REPS2: variants seen among roughly 807,000 people sequenced by gnomAD.
REPS2 encodes the protein RALBP1 associated Eps domain containing 2, also known as ralBP1-associated Eps domain-containing protein 2.
REPS2 carries 23 observed loss-of-function variants against 53.6 expected under a neutral mutation model. That is an observed-to-expected ratio of 0.43 (90% CI 0.31 to 0.61). REPS2 has a LOEUF of 0.61. Ranked by LOEUF, REPS2 falls within the 20% of genes least tolerant of loss-of-function variation. The probability of loss-of-function intolerance (pLI) is 0.11; values close to 1 mark genes in which losing one functional copy is unlikely to be tolerated. For missense variants in REPS2, 446 were observed against 534.9 expected (o/e 0.83, Z 1.64); for synonymous variants, 238 against 218.6 (o/e 1.09, Z -0.78).
intron 5 of REPS2, among the ~76,000 whole-genome samples, chrX:17,041,697 A>G (rs1275093537): frequency 8.9e-6 from 1 of 112,176 alleles, no homozygotes; most frequent in East Asian, 2.8e-4. Context: ...GACACTGTTA[A>G]AAGATCATTA....
intron 5 of REPS2, 124 bp from the exon 6 acceptor site, chrX:17,047,223 A>C: frequency 1.5e-6 from 1 of 677,189 alleles, no homozygotes; most frequent in Non-Finnish European, 2.2e-6. Flanking sequence ...TGAGGCAGTT[A>C]AATTTCTTCA....
chrX:17,185,960 A>T, the REPS2 span, among the ~76,000 whole-genome samples: 1 of 111,627 alleles, frequency 9.0e-6, no homozygotes, highest in Non-Finnish European at 1.9e-5. Flanking sequence ...GAAAAAAAAA[A>T]TCTTCTTAAA....
At chrX:17,099,695 T>C (rs1373912326) in intron 13 of REPS2, 9 of 461,041 alleles carry the variant, frequency 2.0e-5, no homozygotes, top group Middle Eastern at 6.2e-4. Flanking sequence ...GCTACCTCTA[T>C]GGTGTCAAGA....
chrX:17,080,325 G>A (rs181918842), intron 13 of REPS2, among the ~76,000 whole-genome samples: 13 of 55,205 alleles, frequency 2.4e-4, no homozygotes, highest in African/African-American at 4.5e-4. Context: ...TCTCCACCCC[G>A]ACCCCCGTGT....
chrX:17,032,204 A>C (rs2061716438), intron 5 of REPS2, among the ~76,000 whole-genome samples: 1 of 112,117 alleles, frequency 8.9e-6, no homozygotes, highest in South Asian at 3.7e-4. Flanking sequence ...CTTAGGCTGG[A>C]CATAGGTATT....
chrX:16,999,368 ATTTTTT>A (rs1162932789), intron 1 of REPS2, among the ~76,000 whole-genome samples: 1 of 62,745 alleles, frequency 1.6e-5, no homozygotes, highest in Non-Finnish European at 3.0e-5. Context: ...GATGTTCCTG[ATTTTTT>A]TTTTTTTTTT....
chrX:16,947,188 G>A lies in REPS2; in HGVS notation c.273+54G>A, dbSNP rs1016611559. 13 of 963,216 alleles carry A rather than the reference G, an allele frequency of 1.3e-5. No homozygotes were observed. The African/African-American group carries it at 1.4e-4, about 11-fold the overall frequency. The allele number at this position is 963,216 out of a possible 1,213,427, so 79.4% of individuals were successfully genotyped here. A position where few individuals can be genotyped will look rare whatever the true frequency, so the allele number is the denominator to read the frequency against. On this transcript the variant is annotated intron_variant, in intron 1 of 17. Coordinates refer to ENST00000357277, the MANE Select transcript of REPS2 (RefSeq NM_004726.3). ...GGTCTGTGGGGCAGTGTGTGCGGGG[G>A]CGGAGGTTGCGAGTGGGGCGACAGG...
intron 1 of REPS2, among the ~76,000 whole-genome samples, chrX:16,973,514 A>G (rs1319071070): frequency 8.9e-6 from 1 of 112,154 alleles, no homozygotes; most frequent in East Asian, 2.8e-4. Flanking sequence ...TGGTTAATAT[A>G]ACGCTAGCAG....
chrX:17,007,920 T>C (rs749046778), intron 2 of REPS2, among the ~76,000 whole-genome samples: 259 of 112,613 alleles, frequency 2.3e-3, no homozygotes, highest in Non-Finnish European at 4.1e-3. Flanking sequence ...TAGTAGAATT[T>C]GGAGCCAGGA....
Position 17,025,130 on chromosome X carries a change from G to T in REPS2, c.618G>T (p.Val206=). ...PPSSPPHYQR[V]PLSHGYSKLR... Reference sequence around the variant, plus strand: ...CTTCCCCGCCTCATTACCAGAGGGTGCCCTTGAGCCATGGCTACAGCAAAC... The same window carrying T: ...CTTCCCCGCCTCATTACCAGAGGGTTCCCTTGAGCCATGGCTACAGCAAAC... Residue 206 remains valine, a synonymous_variant, in exon 4 of 18, where the codon GTG becomes GTT. Transcript: ENST00000357277. 1 of 1,211,725 alleles carries T rather than the reference G, an allele frequency of 8.3e-7. No individual in the cohort carries two copies. Among genetic ancestry groups the T allele is most frequent in the Non-Finnish European group, 1.1e-6 (1 of 895,478 alleles).
At chrX:17,086,606 A>G (rs1423717995) in intron 13 of REPS2, among the ~76,000 whole-genome samples, 1 of 112,331 alleles carries the variant, frequency 8.9e-6, no homozygotes, top group African/African-American at 3.2e-5. Flanking sequence ...CCAGCAAACC[A>G]CTGCTTAGAT....
chrX:17,165,156 A>G, the REPS2 span, among the ~76,000 whole-genome samples: 2 of 112,094 alleles, frequency 1.8e-5, no homozygotes, highest in Admixed American at 9.5e-5. Flanking sequence ...GAAATTCTTC[A>G]GCTTCTGACC....
intron 1 of REPS2, among the ~76,000 whole-genome samples, chrX:16,963,508 T>C (rs753909537): frequency 1.5e-4 from 17 of 112,645 alleles, no homozygotes; most frequent in Non-Finnish European, 3.2e-4. Context: ...TTTCCCAACA[T>C]TCCATTGTTT....
intron 2 of REPS2, among the ~76,000 whole-genome samples, chrX:17,011,262 C>T (rs112559721): frequency 4.5e-5 from 5 of 111,570 alleles, no homozygotes; most frequent in African/African-American, 1.3e-4. Flanking sequence ...GCCCCACCCT[C>T]GTCTGAGTTG....
chrX:17,131,389 G>A (rs748119547), intron 14 of REPS2, among the ~76,000 whole-genome samples: 14 of 111,400 alleles, frequency 1.3e-4, no homozygotes, highest in Middle Eastern at 4.7e-3. Context: ...GTATGTTAGC[G>A]CCCTTGGGAA....
chrX:17,166,019 G>A, the REPS2 span, among the ~76,000 whole-genome samples: 5 of 111,756 alleles, frequency 4.5e-5, no homozygotes, highest in African/African-American at 6.5e-5. Context: ...ATTCCTTTAT[G>A]CCTTCATGAT....
intron 1 of REPS2, among the ~76,000 whole-genome samples, chrX:16,954,862 G>T (rs2060573635): frequency 1.1e-5 from 1 of 90,389 alleles, no homozygotes; most frequent in Non-Finnish European, 2.1e-5. Flanking sequence ...CCGGGCTGAA[G>T]TGCAGTGGCG....
At chrX:17,037,036 A>T (rs926831824) in intron 5 of REPS2, among the ~76,000 whole-genome samples, 2 of 110,671 alleles carry the variant, frequency 1.8e-5, no homozygotes, top group African/African-American at 6.6e-5. Context: ...TACTTCACTG[A>T]GTCTACTATA....
At chrX:17,156,390 T>C (rs1391485967), downstream of REPS2, among the ~76,000 whole-genome samples, 2 of 108,649 alleles carry the variant, frequency 1.8e-5, no homozygotes, top group Non-Finnish European at 3.8e-5. Flanking sequence ...TATGTGTATA[T>C]ATATACACAT....
Sources: gnomAD v4.1 joint callset for allele counts (sites outside exome capture counted in the v4.1 genomes callset) on GRCh38, gnomAD v4.1.1 for gene constraint, MANE v1.5 for transcripts, NCBI Gene and HGNC (gene_info 2026-07-23, HGNC 2026-07-21) for gene names.